The following ABHD12 variants were observed in gnomAD, a reference collection of about 807,000 sequenced individuals.
The protein encoded by ABHD12 is lysophosphatidylserine lipase ABHD12.
A neutral mutation model predicts 58.3 loss-of-function variants in ABHD12; 43 were observed. The ratio of observed to expected loss-of-function variants is 0.74; its 90% CI spans 0.58 to 0.95. The LOEUF is 0.95. Among genes scored for constraint, ABHD12 ranks in the 40% least tolerant of loss-of-function variants. ABHD12 has a pLI of 0.00. For missense variants in ABHD12, 539 were observed against 537.2 expected (o/e 1.00, Z -0.03); for synonymous variants, 219 against 211.2 (o/e 1.04, Z -0.32).
chr20:25,327,477 A>C (rs1470853573), intron 2 of ABHD12, among the ~76,000 whole-genome samples: 2 of 151,928 alleles, frequency 1.3e-5, no homozygotes, highest in Admixed American at 6.6e-5. Context: ...AAAAAAAAAA[A>C]AAAAGAAAGG....
At chr20:25,372,220 C>CTTT (rs539579415) in intron 1 of ABHD12, among the ~76,000 whole-genome samples, 2 of 144,696 alleles carry the variant, frequency 1.4e-5, no homozygotes, top group Non-Finnish European at 1.5e-5. Flanking sequence ...TCAGCCTCTT[C>CTTT]TTTTTTTTTT....
At chr20:25,360,562 T>G (rs2089733063) in intron 1 of ABHD12, among the ~76,000 whole-genome samples, 1 of 152,084 alleles carries the variant, frequency 6.6e-6, no homozygotes, top group Non-Finnish European at 1.5e-5. Flanking sequence ...GTCTTATGTT[T>G]GAGGCTAAAG....
At chr20:25,341,448 T>C (rs1022601499) in intron 1 of ABHD12, among the ~76,000 whole-genome samples, 2 of 152,360 alleles carry the variant, frequency 1.3e-5, no homozygotes, top group East Asian at 1.9e-4. Context: ...AATCACAATA[T>C]TGAGGTTCAA....
intron 8 of ABHD12, 113 bp from the exon 9 acceptor site, chr20:25,308,158 C>T (rs2088780225): frequency 4.9e-6 from 4 of 823,692 alleles, no homozygotes; most frequent in Non-Finnish European, 8.4e-6. Flanking sequence ...GCGCCTCCCA[C>T]CAGGCAACCA....
chr20:25,317,073 C>T lies in ABHD12; in HGVS notation c.548G>A (p.Gly183Asp), dbSNP rs915790342. ...YLHGNAGTRG[G>D]DHRVELYKVL... The stretch of plus-strand genomic sequence containing the variant: ...CTTGTAAAGCTCCACGCGGTGGTCG[C>T]CTCCTCTGGAGAAGAAAACAGGACA... The change falls in exon 5 of 13, where the codon GGC becomes GAC. Residue 183 changes from glycine (G) to aspartate (D), a missense_variant. Physicochemically the swap from Gly to Asp is moderately conservative, Grantham distance 94. Transcript: ENST00000339157. 8.7e-6 allele frequency: 14 copies of T among 1,612,228 alleles called. No individual in the cohort carries two copies. The highest frequency in any genetic ancestry group is 1.2e-5 in the Non-Finnish European group (14 of 1,179,160).
At chr20:25,366,497 C>G (rs1185908300) in intron 1 of ABHD12, among the ~76,000 whole-genome samples, 1 of 152,108 alleles carries the variant, frequency 6.6e-6, no homozygotes, top group Non-Finnish European at 1.5e-5. Flanking sequence ...AACTCCCGAC[C>G]TCAGTTGATC....
At chr20:25,313,578 A>AAAAT (rs2088904488) in intron 6 of ABHD12, among the ~76,000 whole-genome samples, 118 of 131,684 alleles carry the variant, frequency 9.0e-4, no homozygotes, top group Non-Finnish European at 1.3e-3. Context: ...AATGATCAAT[A>AAAAT]AAAATAAAAT....
At chr20:25,316,902 G>A in intron 5 of ABHD12, 146 bp downstream of exon 5, 1 of 756,410 alleles carries the variant, frequency 1.3e-6, no homozygotes, top group South Asian at 1.5e-5. Context: ...ACTCCAGCCT[G>A]GGCAACAGAG....
At chr20:25,298,258 C>G (rs553052829), downstream of ABHD12, among the ~76,000 whole-genome samples, 6 of 132,488 alleles carry the variant, frequency 4.5e-5, no homozygotes, top group Non-Finnish European at 8.3e-5. Flanking sequence ...TGTGCCTGAA[C>G]GGCTAGTTTT....
chr20:25,315,420 CA>C (rs907930275), intron 5 of ABHD12, among the ~76,000 whole-genome samples: 2 of 152,152 alleles, frequency 1.3e-5, no homozygotes, highest in Non-Finnish European at 2.9e-5. Flanking sequence ...AAGCTCTTGT[CA>C]ATTTTTTTTT....
chr20:25,368,648 T>G (rs576888700), intron 1 of ABHD12: 5 of 1,370,962 alleles, frequency 3.6e-6, no homozygotes, highest in African/African-American at 1.4e-5. Context: ...TTCTCGCCAG[T>G]GCTCAGAGCA....
At chr20:25,300,915 T>C (rs2088624423) in intron 12 of ABHD12, 31 bp from the exon 13 acceptor site, 2 of 1,608,716 alleles carry the variant, frequency 1.2e-6, no homozygotes, top group African/African-American at 2.7e-5. Context: ...GAGCCAATCA[T>C]TTGAGCTCAG....
rs145692160 is a variant in ABHD12 at position 25,303,339 on chromosome 20, C to G, written c.1029+211G>C. The G allele has an allele frequency of 2.0e-3, 2,950 of 1,464,710 alleles. 51 individuals carry two copies. In the African/African-American group the frequency reaches 0.036, roughly 18 times the overall value. 90.7% of individuals were successfully genotyped at this position (1,464,710 alleles called of 1,614,324 possible). ...AGCATCAGTGGGCCCCTGCCCCAAC[C>G]TTTACACCAGACCTCCCATGTCCTT... On this transcript the variant is annotated intron_variant, in intron 11 of 12. Transcript: ENST00000339157.
chr20:25,328,806 TC>T (rs1040171937), intron 2 of ABHD12, among the ~76,000 whole-genome samples: 1 of 152,074 alleles, frequency 6.6e-6, no homozygotes, highest in Non-Finnish European at 1.5e-5. Context: ...ATGAAAAGCA[TC>T]CCCCAGATGC....
intron 10 of ABHD12, among the ~76,000 whole-genome samples, chr20:25,304,911 CTTTT>C (rs1204879588): frequency 6.6e-6 from 1 of 150,618 alleles, no homozygotes; most frequent in Non-Finnish European, 1.5e-5. Flanking sequence ...TCAGATAATT[CTTTT>C]TTTCTTTTCT....
intron 1 of ABHD12, among the ~76,000 whole-genome samples, chr20:25,363,119 GAACA>G (rs1371154793): frequency 5.9e-5 from 9 of 151,534 alleles, no homozygotes; most frequent in South Asian, 2.1e-4. Flanking sequence ...GTAGAGGTGA[GAACA>G]AATAAAAAGT....
intron 2 of ABHD12, among the ~76,000 whole-genome samples, chr20:25,336,458 T>A (rs2500437): frequency 0.025 from 3,798 of 152,310 alleles, 146 homozygotes; most frequent in African/African-American, 0.083. Flanking sequence ...TTCAGATAGA[T>A]TTGCTGTGAA....
intron 2 of ABHD12, among the ~76,000 whole-genome samples, chr20:25,325,346 C>T (rs563669917): frequency 6.6e-6 from 1 of 152,272 alleles, no homozygotes; most frequent in South Asian, 2.1e-4. Context: ...CCCGCCTGCC[C>T]TGTTATGGGC....
At chr20:25,295,177 T>C in intron 12 of ABHD12, 3 of 852,052 alleles carry the variant, frequency 3.5e-6, no homozygotes, top group Non-Finnish European at 5.9e-6. Flanking sequence ...CAGTATTTCC[T>C]GTGTAGGCAA....
Sources: allele counts gnomAD v4.1 joint callset (sites outside exome capture counted in the v4.1 genomes callset), GRCh38; gene constraint gnomAD v4.1.1; transcripts MANE v1.5; gene names NCBI Gene and HGNC (gene_info 2026-07-23, HGNC 2026-07-21).